The following ZBTB7C variants were observed in gnomAD, a reference collection of about 807,000 sequenced individuals.
ZBTB7C encodes the protein zinc finger and BTB domain-containing protein 7C.
ZBTB7C carries 8 observed loss-of-function variants against 25.7 expected under a neutral mutation model. That is an observed-to-expected ratio of 0.31 (90% CI 0.18 to 0.56). The LOEUF is 0.56. ZBTB7C is among the 20% of genes least tolerant of loss of function. The pLI, the probability that ZBTB7C is intolerant of heterozygous loss-of-function variation, is 0.91. For missense variants in ZBTB7C, 824 were observed against 855.2 expected (o/e 0.96, Z 0.46); for synonymous variants, 394 against 369.0 (o/e 1.07, Z -0.78).
intron 2 of ZBTB7C, among the ~76,000 whole-genome samples, chr18:48,322,110 G>A (rs1371068208): frequency 6.6e-6 from 1 of 152,132 alleles, no homozygotes; most frequent in Non-Finnish European, 1.5e-5. Flanking sequence ...CTAGAGAGAG[G>A]CTTCCTAGCT....
chr18:48,258,684 G>A (rs1449866278), intron 2 of ZBTB7C, among the ~76,000 whole-genome samples: 1 of 151,762 alleles, frequency 6.6e-6, no homozygotes, highest in African/African-American at 2.4e-5. Flanking sequence ...TTGAGATGGA[G>A]TCCCGCTCTG....
At chr18:48,347,889 A>T (rs2046777998) in intron 1 of ZBTB7C, among the ~76,000 whole-genome samples, 1 of 152,206 alleles carries the variant, frequency 6.6e-6, no homozygotes, top group Non-Finnish European at 1.5e-5. Context: ...AGGGTGGGAA[A>T]TGGTTTGCAA....
intron 2 of ZBTB7C, among the ~76,000 whole-genome samples, chr18:48,292,301 C>G (rs1191613962): frequency 6.6e-6 from 1 of 152,172 alleles, no homozygotes; most frequent in Non-Finnish European, 1.5e-5. Flanking sequence ...TGCTATCATT[C>G]CATTCCATTC....
rs1034143026 is a variant in ZBTB7C, at chr18:48,137,147, G to T, written c.-17+48787C>A. On this transcript the variant is annotated intron_variant, in intron 3 of 4. Transcript: ENST00000590800. ...GGAGGTTGTCATTGATTCGTGCTGG[G>T]CGAGTTAAGCCATTCCAGGAGTGGT... 1.6e-5 allele frequency: 16 copies of T among 985,346 alleles called. No homozygotes were observed. The African/African-American group carries it at 2.3e-4, about 14-fold the overall frequency. 61.0% of individuals were successfully genotyped at this position (985,346 alleles called of 1,614,324 possible). A position where few individuals can be genotyped will look rare whatever the true frequency, so the allele number is the denominator to read the frequency against.
chr18:48,177,900 G>A (rs2041738244), intron 3 of ZBTB7C, among the ~76,000 whole-genome samples: 1 of 152,136 alleles, frequency 6.6e-6, no homozygotes, highest in African/African-American at 2.4e-5. Context: ...TTAATGCCTT[G>A]TATCCCTTTC....
chr18:48,281,489 A>G (rs1444437127), intron 2 of ZBTB7C, among the ~76,000 whole-genome samples: 1 of 152,200 alleles, frequency 6.6e-6, no homozygotes, highest in African/African-American at 2.4e-5. Flanking sequence ...GAGCTTCTGC[A>G]TAGCAAAAGA....
chr18:48,316,803 T>C (rs1320885224), intron 2 of ZBTB7C, among the ~76,000 whole-genome samples: 1 of 152,186 alleles, frequency 6.6e-6, no homozygotes, highest in African/African-American at 2.4e-5. Flanking sequence ...TATTCCTTTA[T>C]AGAACTAACA....
chr18:48,268,322 T>C (rs748587117), intron 2 of ZBTB7C, among the ~76,000 whole-genome samples: 2 of 152,244 alleles, frequency 1.3e-5, no homozygotes, highest in African/African-American at 4.8e-5. Context: ...ACAAATTTTA[T>C]GCAAGCTGTC....
chr18:48,332,673 CTT>C (rs58216606), intron 2 of ZBTB7C, among the ~76,000 whole-genome samples: 2,304 of 85,630 alleles, frequency 0.027, 49 homozygotes, highest in African/African-American at 0.082. Flanking sequence ...CTCTCCTTTG[CTT>C]TTTTTTTTTT....
At chr18:48,051,924 G>C (rs1208283166) in intron 3 of ZBTB7C, among the ~76,000 whole-genome samples, 1 of 151,272 alleles carries the variant, frequency 6.6e-6, no homozygotes, top group East Asian at 2.0e-4. Context: ...TATTTTCTAG[G>C]GGGCAGTGGG....
intron 2 of ZBTB7C, among the ~76,000 whole-genome samples, chr18:48,261,763 G>A (rs1273573032): frequency 6.6e-6 from 1 of 152,182 alleles, no homozygotes; most frequent in Non-Finnish European, 1.5e-5. Context: ...CAGGCTCTGT[G>A]GGCTCCCCAA....
At chr18:48,180,143 C>CCTTCCTTCCTTCCTTG (rs2041871547) in intron 3 of ZBTB7C, among the ~76,000 whole-genome samples, 1 of 136,346 alleles carries the variant, frequency 7.3e-6, no homozygotes, top group Non-Finnish European at 1.6e-5. Flanking sequence ...TTCCTTCCTT[C>CCTTCCTTCCTTCCTTG]CTTCTTTCCC....
intron 2 of ZBTB7C, among the ~76,000 whole-genome samples, chr18:48,281,887 G>T (rs1274697132): frequency 0.01 from 1,126 of 111,394 alleles, no homozygotes; most frequent in African/African-American, 0.015. Context: ...TTCAACCATT[G>T]TGGAAGTCAG....
At chr18:48,108,246 C>A (rs1280996927) in intron 3 of ZBTB7C, among the ~76,000 whole-genome samples, 1 of 152,208 alleles carries the variant, frequency 6.6e-6, no homozygotes, top group African/African-American at 2.4e-5. Context: ...GGTTCCCAGG[C>A]TCCTTGCCTG....
At chr18:48,110,236 C>A (rs754874844) in intron 3 of ZBTB7C, among the ~76,000 whole-genome samples, 2 of 152,200 alleles carry the variant, frequency 1.3e-5, no homozygotes, top group Non-Finnish European at 2.9e-5. Context: ...CCATACCACA[C>A]TGATCCGAGG....
intron 3 of ZBTB7C, among the ~76,000 whole-genome samples, chr18:48,105,357 G>A (rs572180731): frequency 3.9e-5 from 6 of 152,256 alleles, no homozygotes; most frequent in African/African-American, 9.6e-5. Flanking sequence ...CATTTACAAT[G>A]CCCAGAGCTT....
At chr18:48,142,618 G>A (rs1019355324) in intron 3 of ZBTB7C, among the ~76,000 whole-genome samples, 2 of 152,150 alleles carry the variant, frequency 1.3e-5, no homozygotes, top group Admixed American at 1.3e-4. Flanking sequence ...AGGAGGGGAG[G>A]GTGCCAGGCA....
At chr18:48,200,959 C>T (rs1372123056) in intron 2 of ZBTB7C, among the ~76,000 whole-genome samples, 1 of 152,166 alleles carries the variant, frequency 6.6e-6, no homozygotes, top group African/African-American at 2.4e-5. Flanking sequence ...TGAAGCAGGC[C>T]ACCCCAGGCA....
intron 1 of ZBTB7C, among the ~76,000 whole-genome samples, chr18:48,392,713 C>T (rs1352355226): frequency 6.6e-6 from 1 of 152,180 alleles, no homozygotes; most frequent in Non-Finnish European, 1.5e-5. Context: ...ACTAAGATTG[C>T]TCTGGGCAGC....
Sources: allele counts gnomAD v4.1 joint callset (sites outside exome capture counted in the v4.1 genomes callset), GRCh38; gene constraint gnomAD v4.1.1; transcripts MANE v1.5; gene names NCBI Gene and HGNC (gene_info 2026-07-23, HGNC 2026-07-21).